DRICH1: variants seen among roughly 807,000 people sequenced by gnomAD.
DRICH1 encodes aspartate-rich protein 1.
Under a neutral mutation model 39.5 loss-of-function variants are expected in DRICH1, and 38 were observed. The ratio of observed to expected loss-of-function variants is 0.96; its 90% CI spans 0.74 to 1.26. DRICH1 has a LOEUF of 1.26. Among genes scored for constraint, DRICH1 ranks in the 50% most tolerant of loss-of-function variants. The pLI is 0.00. For synonymous variants in DRICH1, 84 were observed against 99.5 expected (o/e 0.84, Z 0.93); for missense variants, 279 against 270.4 (o/e 1.03, Z -0.22).
rs768339400 is a variant in DRICH1 at position 23,614,199 on chromosome 22, C to T, written c.557G>A (p.Ser186Asn). Residue 186 changes from serine to asparagine, a missense_variant, in exon 9 of 12, where the codon AGC becomes AAC. Coordinates refer to ENST00000317749, the MANE Select transcript of DRICH1 (RefSeq NM_016449.4). The stretch of plus-strand genomic sequence containing the variant: ...TCTCAGTGAGCATCTTAAAAACAGG[C>T]TATCTTCAGAACAAGCTGGAAGGAC... The part of the protein sequence containing the change: ...PSPVQACSED[S>N]LFLRCSLRHK... 5 of 1,613,424 alleles carry T rather than the reference C, an allele frequency of 3.1e-6. No individual in the cohort carries two copies. The African/African-American group carries it at 5.3e-5, about 17-fold the overall frequency.
At chr22:23,582,905 C>G in the DRICH1 span, among the ~76,000 whole-genome samples, 1 of 152,136 alleles carries the variant, frequency 6.6e-6, no homozygotes, top group Admixed American at 6.6e-5. Flanking sequence ...GTTAGTGTGG[C>G]CTGGAAAATG....
the DRICH1 span, among the ~76,000 whole-genome samples, chr22:23,596,039 C>T: frequency 6.6e-6 from 1 of 152,220 alleles, no homozygotes; most frequent in Non-Finnish European, 1.5e-5. Context: ...CTCTCAGGGG[C>T]ACTTCTGCTC....
In DRICH1 at chr22:23,611,222, C is replaced by T. The variant is rs370499020; in HGVS notation, c.685+2067G>A. Among the ~76,000 whole-genome samples the T allele has an allele frequency of 7.9e-5, 12 of 152,138 alleles. No homozygotes were observed. In the East Asian group the frequency reaches 1.7e-3, roughly 22 times the overall value. On this transcript the variant is annotated intron_variant, in intron 11 of 11. Transcript: ENST00000317749. The stretch of plus-strand genomic sequence containing the variant: ...GGTTAACCTTTGGCGTTAAAGAGAT[C>T]CAGCTCTTGGCGTGTCTCCTGAGTA...
chr22:23,611,693 A>G (rs537163037), intron 11 of DRICH1, among the ~76,000 whole-genome samples: 6 of 152,306 alleles, frequency 3.9e-5, no homozygotes, highest in South Asian at 2.1e-4. Flanking sequence ...ATTTTGGTCA[A>G]TGACAGAACA....
At chr22:23,624,102 T>C (rs1927922687) in intron 3 of DRICH1, 1 of 985,448 alleles carries the variant, frequency 1.0e-6, no homozygotes. Context: ...GATGTCTTGA[T>C]ACCAGAGGTA....
rs201458787 is a variant in DRICH1, at chr22:23,622,090, C to G, written c.384+1G>C. On this transcript the variant is annotated splice_donor_variant, in intron 4 of 11. Coordinates refer to ENST00000317749, the MANE Select transcript of DRICH1 (RefSeq NM_016449.4). LOFTEE classifies it high-confidence loss of function. ...TAGAAGACAAAGAAAGATTGTCTTA[C>G]CTGGGCATCATCATCATCATCATCA... The G allele has an allele frequency of 7.4e-5, 118 of 1,605,196 alleles. No individual in the cohort carries two copies. The highest frequency in any genetic ancestry group is 8.0e-5 in the Non-Finnish European group (94 of 1,175,770).
At chr22:23,624,038 A>T (rs754964571) in intron 3 of DRICH1, 1 of 985,110 alleles carries the variant, frequency 1.0e-6, no homozygotes, top group Non-Finnish European at 1.2e-6. Context: ...AAGACACTGG[A>T]CCTTTTGCAG....
At position 23,617,864 on chromosome 22, in the gene DRICH1, CA is replaced by C. The variant is rs537068754; in HGVS notation, c.437-208del. On this transcript the variant is annotated intron_variant, in intron 6 of 11. Transcript: ENST00000317749. The stretch of plus-strand genomic sequence containing the variant: ...AGAGGCATCACGCAGCAACACAAAA[CA>C]GTCAACCCCAAATGGAACTAAAGCA... Among the ~76,000 whole-genome samples, 80 of 152,332 alleles carry C rather than the reference CA, an allele frequency of 5.3e-4. 1 individual carries two copies. In the South Asian group the frequency reaches 9.3e-3, roughly 18 times the overall value.
intron 6 of DRICH1, among the ~76,000 whole-genome samples, chr22:23,619,090 T>C (rs1306152987): frequency 1.4e-5 from 2 of 147,222 alleles, no homozygotes; most frequent in Non-Finnish European, 3.0e-5. Context: ...GAGAATCAGT[T>C]CAACCTGGAA....
chr22:23,591,136 A>T, the DRICH1 span, among the ~76,000 whole-genome samples: 1 of 152,158 alleles, frequency 6.6e-6, no homozygotes, highest in Non-Finnish European at 1.5e-5. Context: ...CTCTACATCT[A>T]TAGGCATCCC....
the DRICH1 span, among the ~76,000 whole-genome samples, chr22:23,582,572 T>TATTATTATTATTA: frequency 3.4e-5 from 5 of 148,754 alleles, no homozygotes; most frequent in African/African-American, 1.2e-4. Flanking sequence ...TTATTATTAT[T>TATTATTATTATTA]ATTATTATTT....
intron 11 of DRICH1, among the ~76,000 whole-genome samples, chr22:23,611,515 C>T (rs911803026): frequency 6.6e-6 from 1 of 151,924 alleles, no homozygotes; most frequent in Non-Finnish European, 1.5e-5. Context: ...CCTCAGCCTC[C>T]CAAGTAGCTG....
At chr22:23,582,267 G>T in the DRICH1 span, among the ~76,000 whole-genome samples, 109 of 145,696 alleles carry the variant, frequency 7.5e-4, no homozygotes, top group Non-Finnish European at 9.6e-4. Flanking sequence ...GTGAGCCACC[G>T]CAACTGGCTT....
chr22:23,623,521 A>T (rs1927892342), intron 3 of DRICH1, among the ~76,000 whole-genome samples: 1 of 152,248 alleles, frequency 6.6e-6, no homozygotes. Context: ...ACAAATAAGT[A>T]GAAAGGCATC....
intron 3 of DRICH1, chr22:23,624,239 GT>G: frequency 1.0e-6 from 1 of 985,384 alleles, no homozygotes. Context: ...GTAACTGCTT[GT>G]GACAGAACTG....
At chr22:23,603,025 T>TTTA in the DRICH1 span, among the ~76,000 whole-genome samples, 1 of 144,736 alleles carries the variant, frequency 6.9e-6, no homozygotes, top group Non-Finnish European at 1.5e-5. Context: ...TTTTTTTTTT[T>TTTA]GAGACAGTCT....
intron 3 of DRICH1, among the ~76,000 whole-genome samples, chr22:23,622,902 AG>A (rs1357584766): frequency 1.3e-5 from 2 of 149,802 alleles, no homozygotes; most frequent in African/African-American, 4.8e-5. Flanking sequence ...AGTGAATCTG[AG>A]AGACGTGACT....
At chr22:23,623,934 C>T in intron 3 of DRICH1, 1 of 619,336 alleles carries the variant, frequency 1.6e-6, no homozygotes, top group Non-Finnish European at 1.8e-6. Flanking sequence ...ACTGCATATT[C>T]TCAACAGAAT....
At chr22:23,584,947 G>A in the DRICH1 span, among the ~76,000 whole-genome samples, 62,758 of 151,860 alleles carry the variant, frequency 0.41, 13,351 homozygotes, top group African/African-American at 0.5. Context: ...TAAGTTACCA[G>A]TTTCCCTCTA....
Sources: allele counts gnomAD v4.1 joint callset (sites outside exome capture counted in the v4.1 genomes callset), GRCh38; gene constraint gnomAD v4.1.1; transcripts MANE v1.5; gene names NCBI Gene and HGNC (gene_info 2026-07-23, HGNC 2026-07-21).